PCDHA9: variants seen among roughly 807,000 people sequenced by gnomAD.
PCDHA9 encodes the protein protocadherin alpha 9, also known as protocadherin alpha-9.
A neutral mutation model predicts 62.0 loss-of-function variants in PCDHA9; 62 were observed. The observed-to-expected ratio is 1.00, with a 90% CI of 0.81 to 1.23. PCDHA9 has a LOEUF of 1.23. Among genes scored for constraint, PCDHA9 ranks in the 50% most tolerant of loss-of-function variants. The pLI is 0.00. For synonymous variants in PCDHA9, 557 were observed against 567.6 expected, an observed-to-expected ratio of 0.98 and a Z score of 0.27; for missense variants, 1,205 against 1,249.8, an observed-to-expected ratio of 0.96 and a Z score of 0.54.
intron 1 of PCDHA9, chr5:140,927,619 C>G: frequency 6.2e-7 from 1 of 1,614,170 alleles, no homozygotes; most frequent in Non-Finnish European, 8.5e-7. Flanking sequence ...CACCAAGGTT[C>G]CAGAGACTGC....
intron 1 of PCDHA9, among the ~76,000 whole-genome samples, chr5:140,921,179 G>A (rs1346400425): frequency 1.3e-5 from 2 of 151,662 alleles, no homozygotes; most frequent in Non-Finnish European, 2.9e-5. Context: ...ATAAAGCACA[G>A]TTTTTTCACA....
At chr5:140,883,667 A>G in intron 1 of PCDHA9, 1 of 1,613,568 alleles carries the variant, frequency 6.2e-7, no homozygotes. Context: ...CGTGAAGGAA[A>G]ACAATCCGCC....
intron 3 of PCDHA9, among the ~76,000 whole-genome samples, chr5:140,987,811 C>CT (rs1444999429): frequency 6.6e-6 from 1 of 152,100 alleles, no homozygotes; most frequent in East Asian, 1.9e-4. Flanking sequence ...GTGCCTGTCT[C>CT]TTTGTTTCCT....
At chr5:140,943,237 C>T (rs1364015851) in intron 1 of PCDHA9, among the ~76,000 whole-genome samples, 1 of 121,190 alleles carries the variant, frequency 8.3e-6, no homozygotes, top group African/African-American at 3.3e-5. Flanking sequence ...CAGCCTGGGT[C>T]ACAGAGTGAG....
chr5:141,001,245 C>G (rs1554258043), intron 3 of PCDHA9, among the ~76,000 whole-genome samples: 2 of 152,082 alleles, frequency 1.3e-5, no homozygotes, highest in Non-Finnish European at 2.9e-5. Context: ...TAAATCAACC[C>G]TATGGGGCGG....
chr5:140,961,054 T>C (rs1290831214), intron 1 of PCDHA9, among the ~76,000 whole-genome samples: 2 of 152,136 alleles, frequency 1.3e-5, no homozygotes, highest in African/African-American at 4.8e-5. Context: ...AACAAAATGT[T>C]GAATGGGATA....
intron 1 of PCDHA9, chr5:140,882,292 C>G (rs2059050033): frequency 1.2e-6 from 2 of 1,613,422 alleles, no homozygotes; most frequent in African/African-American, 1.3e-5. Flanking sequence ...GGCAAGGAGG[C>G]CCAAGACCGC....
At position 140,982,295 on chromosome 5, in the gene PCDHA9, G is replaced by A. The variant is rs1047633434; in HGVS notation, c.2454-180G>A. ...AGTATAGCAGGCAATAAGTAAGTCA[G>A]CAATGCTTCTGCAGTTTATGCAGGG... On this transcript the variant is annotated intron_variant, in intron 2 of 3. Coordinates refer to ENST00000532602, the MANE Select transcript of PCDHA9 (RefSeq NM_031857.2). The A allele has an allele frequency of 3.4e-6, 4 of 1,160,172 alleles. No homozygotes were observed. In the Admixed American group the frequency reaches 8.4e-5, roughly 25 times the overall value. 71.9% of individuals were successfully genotyped at this position (1,160,172 alleles called of 1,614,324 possible).
chr5:140,916,747 G>A (rs1445361224), intron 1 of PCDHA9, among the ~76,000 whole-genome samples: 1 of 152,220 alleles, frequency 6.6e-6, no homozygotes, highest in Non-Finnish European at 1.5e-5. Context: ...TTCACTGCCT[G>A]GGATTAGGGG....
At chr5:140,983,517 G>A (rs1475712929) in intron 3 of PCDHA9, among the ~76,000 whole-genome samples, 2 of 152,196 alleles carry the variant, frequency 1.3e-5, no homozygotes, top group African/African-American at 4.8e-5. Flanking sequence ...TAGACACTGT[G>A]CCAAGTACAT....
chr5:140,918,032 A>G (rs528006913), intron 1 of PCDHA9, among the ~76,000 whole-genome samples: 2 of 152,224 alleles, frequency 1.3e-5, no homozygotes, highest in East Asian at 1.9e-4. Context: ...TGAGCGTGGA[A>G]GGTCTTTCCA....
chr5:140,858,178 G>A (rs887914398), intron 1 of PCDHA9: 1 of 1,597,564 alleles, frequency 6.3e-7, no homozygotes, highest in East Asian at 2.2e-5. Flanking sequence ...GCTTGCTGGT[G>A]CTCACGCTGC....
intron 1 of PCDHA9, chr5:140,884,551 G>C (rs782613034): frequency 1.2e-6 from 2 of 1,614,134 alleles, no homozygotes; most frequent in Non-Finnish European, 1.7e-6. Flanking sequence ...TGTGCTCTGG[G>C]GAGGGCCCGC....
intron 1 of PCDHA9, chr5:140,863,128 C>G (rs555226712): frequency 3.3e-6 from 2 of 598,142 alleles, no homozygotes; most frequent in East Asian, 8.9e-5. Context: ...TACGCGCCAC[C>G]GCCTGCTGGT....
intron 1 of PCDHA9, among the ~76,000 whole-genome samples, chr5:140,934,702 C>T (rs538683438): frequency 1.3e-5 from 2 of 152,158 alleles, no homozygotes; most frequent in South Asian, 4.2e-4. Context: ...GATTCCTGGC[C>T]ATCTTACAAA....
At chr5:140,917,776 A>G (rs1222024686) in intron 1 of PCDHA9, among the ~76,000 whole-genome samples, 2 of 152,044 alleles carry the variant, frequency 1.3e-5, no homozygotes, top group Non-Finnish European at 2.9e-5. Flanking sequence ...TATTAGTACC[A>G]TGTTGTTTTG....
At position 140,941,206 on chromosome 5, in the gene PCDHA9, TCTTTCTTC is replaced by T. The variant is rs1268159199; in HGVS notation, c.2395-37735_2395-37728del. Among the ~76,000 whole-genome samples the T allele has an allele frequency of 1.2e-3, 117 of 95,670 alleles. 1 individual carries two copies. The highest frequency in any genetic ancestry group is 8.3e-3 in the South Asian group (27 of 3,240). The allele number at this position is 95,670 out of a possible 152,430, so 62.8% of individuals were successfully genotyped here. A position where few individuals can be genotyped will look rare whatever the true frequency, so the allele number is the denominator to read the frequency against. On this transcript the variant is annotated intron_variant, in intron 1 of 3. Coordinates refer to ENST00000532602, the MANE Select transcript of PCDHA9 (RefSeq NM_031857.2). ...GCTTCTTTTTTTTTCTTTCTTCCTTTCTTTCTTCCTTTCTTTCTTTCTTTCTTTCTTTC... is the reference window on the plus strand; with the variant it reads ...GCTTCTTTTTTTTTCTTTCTTCCTTTCTTTCTTTCTTTCTTTCTTTCTTTC...
chr5:140,956,186 T>C (rs1305769419), intron 1 of PCDHA9, among the ~76,000 whole-genome samples: 1 of 152,204 alleles, frequency 6.6e-6, no homozygotes, highest in Non-Finnish European at 1.5e-5. Context: ...AATACTATGC[T>C]GAATAGGAGT....
In PCDHA9 at chr5:140,903,479, T is replaced by C. The variant is rs73266018; in HGVS notation, c.2394+52590T>C. On this transcript the variant is annotated intron_variant, in intron 1 of 3. Transcript: ENST00000532602. The stretch of plus-strand genomic sequence containing the variant: ...ACTTAAAATATTATTCCTTGCATTA[T>C]AGTTCTGAGCAGGTACCATAGATAA... Among the ~76,000 whole-genome samples, 476 of 152,354 alleles carry C rather than the reference T, an allele frequency of 3.1e-3. 2 individuals are homozygous for C. The highest frequency in any genetic ancestry group is 0.011 in the African/African-American group (456 of 41,586).
Sources: allele counts gnomAD v4.1 joint callset (sites outside exome capture counted in the v4.1 genomes callset), GRCh38; gene constraint gnomAD v4.1.1; transcripts MANE v1.5; gene names NCBI Gene and HGNC (gene_info 2026-07-23, HGNC 2026-07-21).